Variants in CNST observed in about 807,000 individuals in gnomAD.
The protein encoded by CNST is consortin, connexin sorting protein.
CNST carries 39 observed loss-of-function variants against 72.4 expected under a neutral mutation model. That is an observed-to-expected ratio of 0.54 (90% CI 0.42 to 0.70). The LOEUF is 0.70. Among genes scored for constraint, CNST ranks in the 30% least tolerant of loss-of-function variants. The pLI, the probability that CNST is intolerant of heterozygous loss-of-function variation, is 0.00. For missense variants in CNST, 871 were observed against 868.5 expected (o/e 1.00, Z -0.04); for synonymous variants, 332 against 320.1 (o/e 1.04, Z -0.40).
At chr1:246,585,710 CACTA>C (rs978124004) in intron 1 of CNST, among the ~76,000 whole-genome samples, 1 of 99,158 alleles carries the variant, frequency 1.0e-5, no homozygotes, top group Non-Finnish European at 2.1e-5. Context: ...CACACACACA[CACTA>C]TATATGTATA....
chr1:246,643,751 C>T (rs1308958818), intron 8 of CNST, among the ~76,000 whole-genome samples: 1 of 152,190 alleles, frequency 6.6e-6, no homozygotes, highest in African/African-American at 2.4e-5. Flanking sequence ...AATGTTGCTC[C>T]AGTTTCACCA....
chr1:246,586,713 A>T (rs974575679), intron 1 of CNST, among the ~76,000 whole-genome samples: 2 of 152,166 alleles, frequency 1.3e-5, no homozygotes, highest in Admixed American at 1.3e-4. Context: ...ATGGACTCAT[A>T]ACATTAAAGG....
chr1:246,660,688 A>C (rs745821590), intron 10 of CNST, among the ~76,000 whole-genome samples: 8 of 152,236 alleles, frequency 5.3e-5, no homozygotes, highest in Non-Finnish European at 1.0e-4. Context: ...GTGCCACTGC[A>C]CTTCAGCCTA....
At chr1:246,581,358 G>C (rs3006080) in intron 1 of CNST, among the ~76,000 whole-genome samples, 32,851 of 151,968 alleles carry the variant, frequency 0.22, 4,651 homozygotes, top group Middle Eastern at 0.36. Flanking sequence ...CTGTCTCCCG[G>C]GTTCAAGCAA....
intron 2 of CNST, among the ~76,000 whole-genome samples, chr1:246,612,492 C>T (rs530549987): frequency 1.3e-5 from 2 of 152,270 alleles, no homozygotes; most frequent in South Asian, 2.1e-4. Flanking sequence ...CGTGAGCCAC[C>T]GTGGCCAGCT....
intron 2 of CNST, among the ~76,000 whole-genome samples, chr1:246,600,677 A>G (rs1175373948): frequency 4.6e-5 from 7 of 152,222 alleles, no homozygotes; most frequent in Non-Finnish European, 8.8e-5. Context: ...GCATAGGAAT[A>G]CAGGGAGAGA....
chr1:246,660,454 G>A (rs553318488), intron 10 of CNST, 120 bp downstream of exon 10: 13 of 1,084,628 alleles, frequency 1.2e-5, no homozygotes, highest in South Asian at 6.3e-5. Context: ...CGCCAGGCAC[G>A]GTGGCTCACA....
In CNST at chr1:246,604,362, T is replaced by C. The variant is rs1414347413; in HGVS notation, c.379+12421T>C. On this transcript the variant is annotated intron_variant, in intron 2 of 10. Transcript: ENST00000366513. ...TTAAAAACTACTAGTGTAATGGAAA[T>C]TGATGTAACAATTTTCTGTAAACTA... Among the ~76,000 whole-genome samples the C allele has an allele frequency of 3.9e-5, 6 of 152,318 alleles. No individual in the cohort carries two copies. The East Asian group carries it at 1.2e-3, about 29-fold the overall frequency.
rs761745016 is a variant in CNST, at chr1:246,647,149, T to G, written c.948T>G (p.Thr316=). The change falls in exon 9 of 11, where the codon ACT becomes ACG. Residue 316 remains threonine, a synonymous_variant. Coordinates refer to ENST00000366513, the MANE Select transcript of CNST (RefSeq NM_152609.3). ...TTTCTTCATCTTTAGAGAGTAAAAC[T>G]TGTCTCGGCACAGAGTCAAGTAAAG... ...GATTKESESK[T]CLGTESSKES... 1 of 1,608,648 alleles carries G rather than the reference T, an allele frequency of 6.2e-7. No homozygotes were observed. Among genetic ancestry groups the G allele is most frequent in the Non-Finnish European group, 8.5e-7 (1 of 1,177,930 alleles).
At chr1:246,594,305 G>A (rs1169609304) in intron 2 of CNST, among the ~76,000 whole-genome samples, 9 of 152,052 alleles carry the variant, frequency 5.9e-5, no homozygotes, top group Non-Finnish European at 8.8e-5. Flanking sequence ...ATACACCAGT[G>A]GGCCCAGCTT....
rs755736214 is a variant in CNST at position 246,647,740 on chromosome 1, T to C, written c.1539T>C (p.Asn513=). Reference sequence around the variant, plus strand: ...GTTCTGAGAATGTGCTCTGTGGAAATAATCAAATATCTGACTTAGGCATAC... The same window carrying C: ...GTTCTGAGAATGTGCTCTGTGGAAACAATCAAATATCTGACTTAGGCATAC... ...SDGSENVLCG[N]NQISDLGILL... is the part of the protein sequence containing the mutation. Residue 513 remains asparagine, a synonymous_variant, in exon 9 of 11, where the codon AAT becomes AAC. Transcript: ENST00000366513. 5.6e-6 allele frequency: 9 copies of C among 1,614,016 alleles called. No individual in the cohort carries two copies. Among genetic ancestry groups the C allele is most frequent in the Admixed American group, 3.3e-5 (2 of 60,006 alleles).
chr1:246,633,577 C>G (rs1306876524), intron 4 of CNST, among the ~76,000 whole-genome samples: 1 of 151,690 alleles, frequency 6.6e-6, no homozygotes, highest in Non-Finnish European at 1.5e-5. Flanking sequence ...CCCGTCTCTA[C>G]TAAAAATACA....
intron 2 of CNST, among the ~76,000 whole-genome samples, chr1:246,598,630 T>C (rs1662048918): frequency 6.6e-6 from 1 of 152,180 alleles, no homozygotes; most frequent in South Asian, 2.1e-4. Flanking sequence ...TAGTAGAACA[T>C]TGATAGCTGG....
At chr1:246,654,202 T>C (rs1666647300) in intron 9 of CNST, among the ~76,000 whole-genome samples, 1 of 152,210 alleles carries the variant, frequency 6.6e-6, no homozygotes, top group African/African-American at 2.4e-5. Context: ...GACTATACCG[T>C]AGTCAGACTG....
chr1:246,598,667 T>C (rs1167195873), intron 2 of CNST, among the ~76,000 whole-genome samples: 4 of 152,178 alleles, frequency 2.6e-5, no homozygotes, highest in Non-Finnish European at 5.9e-5. Context: ...ATGGAGACAA[T>C]TGGGTAATAT....
Position 246,634,596 on chromosome 1 carries a change from A to G in CNST, c.818+9A>G. The G allele has an allele frequency of 1.4e-6, 2 of 1,473,708 alleles. No individual in the cohort carries two copies. Among genetic ancestry groups the G allele is most frequent in the Non-Finnish European group, 1.9e-6 (2 of 1,069,572 alleles). 91.3% of individuals were successfully genotyped at this position (1,473,708 alleles called of 1,614,324 possible). ...TGTGCAACACATCAAGAGTAAGTATATCAGAATTTCGTTAGAATGAGTTGG... is the reference window on the plus strand; with the variant it reads ...TGTGCAACACATCAAGAGTAAGTATGTCAGAATTTCGTTAGAATGAGTTGG... On this transcript the variant is annotated intron_variant, in intron 6 of 10. Transcript: ENST00000366513.
intron 2 of CNST, among the ~76,000 whole-genome samples, chr1:246,618,347 C>T (rs1663833846): frequency 6.6e-6 from 1 of 152,202 alleles, no homozygotes; most frequent in Non-Finnish European, 1.5e-5. Flanking sequence ...TTGCTCCTTT[C>T]CCAGTGCTCT....
intron 2 of CNST, chr1:246,607,337 C>T (rs928060165): frequency 3.3e-5 from 5 of 152,030 alleles, no homozygotes; most frequent in South Asian, 2.1e-4. Context: ...TGGACACATT[C>T]GTGGTAAGCG....
chr1:246,634,265 T>G, intron 5 of CNST: 1 of 563,674 alleles, frequency 1.8e-6, no homozygotes, highest in East Asian at 2.9e-5. Context: ...CTAATCACAT[T>G]TCATGCCCTA....
Sources: gnomAD v4.1 joint callset for allele counts (sites outside exome capture counted in the v4.1 genomes callset) on GRCh38, gnomAD v4.1.1 for gene constraint, MANE v1.5 for transcripts, NCBI Gene and HGNC (gene_info 2026-07-23, HGNC 2026-07-21) for gene names.